The following SLC14A2 variants were observed in gnomAD, a reference collection of about 807,000 sequenced individuals.
The protein encoded by SLC14A2 is urea transporter 2.
A neutral mutation model predicts 104.6 loss-of-function variants in SLC14A2; 91 were observed. That is an observed-to-expected ratio of 0.87 (90% CI 0.73 to 1.04). SLC14A2 has a LOEUF of 1.04. SLC14A2 is among the 50% of genes least tolerant of loss of function. The pLI is 0.00. For synonymous variants in SLC14A2, 476 were observed against 466.4 expected (o/e 1.02, Z -0.27); for missense variants, 1,189 against 1,156.0 (o/e 1.03, Z -0.41).
At chr18:45,461,119 C>CCTATTTT (rs1568218245) in intron 1 of SLC14A2, among the ~76,000 whole-genome samples, 2 of 152,224 alleles carry the variant, frequency 1.3e-5, no homozygotes, top group South Asian at 4.2e-4. Flanking sequence ...CCAATTTGCC[C>CCTATTTT]CTATTTTCTA....
intron 1 of SLC14A2, among the ~76,000 whole-genome samples, chr18:45,362,341 G>A (rs991995984): frequency 2.0e-5 from 3 of 152,286 alleles, no homozygotes; most frequent in Middle Eastern, 3.4e-3. Flanking sequence ...ATTTGAGCTG[G>A]GAAATGTGGC....
At chr18:45,506,406 G>T (rs756511943) in intron 2 of SLC14A2, among the ~76,000 whole-genome samples, 1 of 152,190 alleles carries the variant, frequency 6.6e-6, no homozygotes, top group African/African-American at 2.4e-5. Flanking sequence ...GCTGTAGTGG[G>T]TTGAATCGTG....
At chr18:45,492,557 C>T (rs918978227) in intron 2 of SLC14A2, among the ~76,000 whole-genome samples, 2 of 152,174 alleles carry the variant, frequency 1.3e-5, no homozygotes, top group Non-Finnish European at 1.5e-5. Flanking sequence ...AATCACTTCC[C>T]TCAGTCCACA....
At chr18:45,675,709 A>ATATATATATATATATATT (rs57989993) in intron 18 of SLC14A2, among the ~76,000 whole-genome samples, 1 of 78,394 alleles carries the variant, frequency 1.3e-5, no homozygotes, top group African/African-American at 4.9e-5. Context: ...ATATATATAT[A>ATATATATATATATATATT]TTTTTTTTTT....
chr18:45,192,160 A>C, the SLC14A2 span, among the ~76,000 whole-genome samples: 4 of 151,902 alleles, frequency 2.6e-5, no homozygotes. Flanking sequence ...AGTGAAATTT[A>C]CTCTCTCTAG....
rs115075282 is a variant in SLC14A2 at position 45,643,320 on chromosome 18, A to G, written c.1176+139A>G. The G allele has an allele frequency of 1.6e-3, 1,214 of 752,162 alleles. 19 individuals carry two copies. The African/African-American group carries it at 0.018, about 11-fold the overall frequency. The allele number at this position is 752,162 out of a possible 1,614,324, so 46.6% of individuals were successfully genotyped here. A position where few individuals can be genotyped will look rare whatever the true frequency, so the allele number is the denominator to read the frequency against. ...TCACACGACATCTCTGTTAAGGTTT[A>G]TCTAAGGTTGTCCGGAGGAGGATTG... On this transcript the variant is annotated intron_variant, in intron 9 of 19. Coordinates refer to ENST00000255226, the MANE Select transcript of SLC14A2 (RefSeq NM_007163.4).
the SLC14A2 span, among the ~76,000 whole-genome samples, chr18:45,199,754 C>CCTA: frequency 2.6e-5 from 4 of 152,144 alleles, no homozygotes; most frequent in Non-Finnish European, 5.9e-5. Flanking sequence ...CTTATATTAG[C>CCTA]AGCTAAGCTG....
the SLC14A2 span, among the ~76,000 whole-genome samples, chr18:45,193,856 T>C: frequency 6.6e-6 from 1 of 152,198 alleles, no homozygotes. Context: ...ACAGTATCTC[T>C]GTCCATTTCT....
chr18:45,381,000 G>T (rs2085828784), intron 1 of SLC14A2, among the ~76,000 whole-genome samples: 1 of 152,164 alleles, frequency 6.6e-6, no homozygotes, highest in Admixed American at 6.5e-5. Context: ...CTAGTCTCCA[G>T]GATCTAGATC....
intron 1 of SLC14A2, among the ~76,000 whole-genome samples, chr18:45,337,174 T>C (rs943171677): frequency 1.3e-5 from 2 of 152,026 alleles, no homozygotes; most frequent in African/African-American, 2.4e-5. Context: ...GAACTAGGCT[T>C]GGAAGGATGA....
chr18:45,606,068 G>C (rs1030593623), intron 2 of SLC14A2, among the ~76,000 whole-genome samples: 8 of 152,242 alleles, frequency 5.3e-5, no homozygotes, highest in Admixed American at 2.0e-4. Context: ...CCAGCTGGAG[G>C]CGGGGAGGTG....
intron 2 of SLC14A2, among the ~76,000 whole-genome samples, chr18:45,512,621 G>C (rs2362843): frequency 0.24 from 37,118 of 152,092 alleles, 4,858 homozygotes; most frequent in African/African-American, 0.32. Flanking sequence ...ATGACAGCTT[G>C]ATGGTCTTCC....
At position 45,667,741 on chromosome 18, in the gene SLC14A2, C is replaced by T. The variant is rs760713497; in HGVS notation, c.1718-92C>T. 9.0e-4 allele frequency: 916 copies of T among 1,021,684 alleles called. 1 individual carries two copies. The highest frequency in any genetic ancestry group is 8.6e-4 in the Non-Finnish European group (572 of 665,052). The allele number at this position is 1,021,684 out of a possible 1,614,324, so 63.3% of individuals were successfully genotyped here. ...TGGCTGGCTTCCTGCAAACCCACTT[C>T]GGATATCCAGATTCCCTCACACCCT... On this transcript the variant is annotated intron_variant, in intron 13 of 19. Transcript: ENST00000255226.
At chr18:45,191,799 TG>T in the SLC14A2 span, among the ~76,000 whole-genome samples, 1 of 152,172 alleles carries the variant, frequency 6.6e-6, no homozygotes, top group Non-Finnish European at 1.5e-5. Flanking sequence ...ATGTAGTAAT[TG>T]GGAGAAACCA....
At chr18:45,231,862 T>C (rs1328721870) in intron 1 of SLC14A2, among the ~76,000 whole-genome samples, 1 of 152,164 alleles carries the variant, frequency 6.6e-6, no homozygotes, top group Non-Finnish European at 1.5e-5. Flanking sequence ...ATGGAGTGTT[T>C]ATAGTGTGGT....
intron 2 of SLC14A2, among the ~76,000 whole-genome samples, chr18:45,523,493 C>G (rs1342728565): frequency 8.4e-6 from 1 of 119,088 alleles, no homozygotes; most frequent in Non-Finnish European, 1.7e-5. Flanking sequence ...CCACACCCAG[C>G]TTTTTTTTTT....
At chr18:45,420,086 T>C (rs2086325512) in intron 1 of SLC14A2, among the ~76,000 whole-genome samples, 1 of 152,220 alleles carries the variant, frequency 6.6e-6, no homozygotes, top group African/African-American at 2.4e-5. Context: ...TCTCATGAGA[T>C]GTCAGCTATG....
At position 45,618,696 on chromosome 18, in the gene SLC14A2, A is replaced by AAG. The variant is rs1183492072; in HGVS notation, c.-35+3115_-35+3116insGA. Among the ~76,000 whole-genome samples the AAG allele has an allele frequency of 8.3e-3, 1,201 of 144,400 alleles. 39 individuals carry two copies. Among genetic ancestry groups the AAG allele is most frequent in the African/African-American group, 0.032 (1,145 of 36,292 alleles). 94.7% of individuals were successfully genotyped at this position (144,400 alleles called of 152,430 possible). ...AAAAAAAAAAAAAAAAAAAAAAAAA[A>AAG]AAGAAGTAGTAAATGGGGCCATTTG... On this transcript the variant is annotated intron_variant, in intron 1 of 19. Transcript: ENST00000255226.
At chr18:45,264,617 CTT>C (rs1387856486) in intron 1 of SLC14A2, among the ~76,000 whole-genome samples, 1 of 152,098 alleles carries the variant, frequency 6.6e-6, no homozygotes, top group Non-Finnish European at 1.5e-5. Context: ...AAAATCATGT[CTT>C]TCGTGGGGAC....
Sources: allele counts gnomAD v4.1 joint callset (sites outside exome capture counted in the v4.1 genomes callset), GRCh38; gene constraint gnomAD v4.1.1; transcripts MANE v1.5; gene names NCBI Gene and HGNC (gene_info 2026-07-23, HGNC 2026-07-21).